Variants in KAT14 observed in about 807,000 individuals in gnomAD.
KAT14 encodes lysine acetyltransferase 14, also known as cysteine-rich protein 2-binding protein.
A neutral mutation model predicts 78.4 loss-of-function variants in KAT14; 66 were observed. That is an observed-to-expected ratio of 0.84 (90% CI 0.69 to 1.03). The LOEUF (loss-of-function observed/expected upper bound fraction) is 1.03, where lower values mean the gene tolerates loss of function less well. Among genes scored for constraint, KAT14 ranks in the 50% least tolerant of loss-of-function variants. The pLI is 0.00. For synonymous variants in KAT14, 344 were observed against 359.4 expected, an observed-to-expected ratio of 0.96 and a Z score of 0.48; for missense variants, 870 against 972.5, an observed-to-expected ratio of 0.89 and a Z score of 1.40.
chr20:18,181,599 G>A, intron 7 of KAT14, 111 bp from the exon 8 acceptor site: 1 of 1,478,900 alleles, frequency 6.8e-7, no homozygotes, highest in Non-Finnish European at 9.2e-7. Flanking sequence ...TCGATCTTGT[G>A]ACCTTGTGAT....
intron 1 of KAT14, among the ~76,000 whole-genome samples, chr20:18,138,675 A>G (rs1035812477): frequency 6.6e-6 from 1 of 152,194 alleles, no homozygotes. Context: ...TCTGGGAACG[A>G]TAGAGATAAC....
intron 2 of KAT14, chr20:18,143,136 G>A: frequency 7.8e-7 from 1 of 1,283,074 alleles, no homozygotes; most frequent in Non-Finnish European, 9.9e-7. Flanking sequence ...TAACACTTTT[G>A]GTGGTAACTC....
rs1231703258 is a variant in KAT14 at position 18,161,940 on chromosome 20, CA to C, written c.804del (p.Asp269ThrfsTer22). 1 of 1,614,244 alleles carries C rather than the reference CA, an allele frequency of 6.2e-7. No homozygotes were observed. The highest frequency in any genetic ancestry group is 2.2e-5 in the East Asian group (1 of 44,888). On this transcript the variant is annotated frameshift_variant, in exon 6 of 11. Coordinates refer to ENST00000688188, the MANE Select transcript of KAT14 (RefSeq NM_001392073.1). LOFTEE classifies it high-confidence loss of function. ...LKEKRSRTQE[A>X]KDIRRAQKEA... The stretch of plus-strand genomic sequence containing the variant: ...GAGAAAAGGTCTCGAACTCAGGAAG[CA>C]AAAGACATTAGAAGAGCCCAGAAGG...
At chr20:18,176,515 C>G (rs2039057387) in intron 7 of KAT14, among the ~76,000 whole-genome samples, 2 of 152,074 alleles carry the variant, frequency 1.3e-5, no homozygotes, top group Admixed American at 6.6e-5. Flanking sequence ...GAGTAGCGGG[C>G]AGGAGCACTG....
chr20:18,148,056 A>G (rs1213658633), intron 3 of KAT14, among the ~76,000 whole-genome samples: 1 of 152,206 alleles, frequency 6.6e-6, no homozygotes, highest in Non-Finnish European at 1.5e-5. Flanking sequence ...GAAAAAGCCC[A>G]TCTCTCACTG....
Position 18,145,440 on chromosome 20 carries a change from T to C in KAT14, c.378+89T>C, listed in dbSNP as rs79308336. 3 of 1,557,348 alleles carry C rather than the reference T, an allele frequency of 1.9e-6. No homozygotes were observed. In the African/African-American group the frequency reaches 4.1e-5, roughly 21 times the overall value. ...TATCTAGAAACTTAGGGATGAGCTT[T>C]TGAGTTGTTTGGAGGGGCACTTTTT... On this transcript the variant is annotated intron_variant, in intron 3 of 10. Coordinates refer to ENST00000688188, the MANE Select transcript of KAT14 (RefSeq NM_001392073.1).
At chr20:18,148,603 A>ATTTTTTTTTTTTTTTTTTT (rs978610988) in intron 3 of KAT14, among the ~76,000 whole-genome samples, 1 of 142,870 alleles carries the variant, frequency 7.0e-6, no homozygotes, top group Non-Finnish European at 1.5e-5. Context: ...ACTGGGGTTC[A>ATTTTTTTTTTTTTTTTTTT]TTTTTTTTTG....
chr20:18,178,673 T>C (rs1488156200), intron 7 of KAT14, among the ~76,000 whole-genome samples: 1 of 152,136 alleles, frequency 6.6e-6, no homozygotes, highest in Non-Finnish European at 1.5e-5. Context: ...ACTGGGTCTC[T>C]CCCACACCAT....
intron 2 of KAT14, 60 bp downstream of exon 2, chr20:18,142,979 A>C (rs755016705): frequency 2.5e-6 from 4 of 1,585,310 alleles, no homozygotes; most frequent in South Asian, 1.1e-5. Flanking sequence ...TGTTTTTCCA[A>C]CCTGTGAAAG....
intron 8 of KAT14, 76 bp from the exon 9 acceptor site, chr20:18,183,047 A>G: frequency 1.3e-6 from 2 of 1,530,618 alleles, no homozygotes; most frequent in Non-Finnish European, 8.8e-7. Flanking sequence ...CAAAGAGTTT[A>G]TATGAGTCAA....
intron 4 of KAT14, among the ~76,000 whole-genome samples, chr20:18,158,383 GAA>G (rs1338759209): frequency 6.6e-6 from 1 of 152,216 alleles, no homozygotes; most frequent in Non-Finnish European, 1.5e-5. Flanking sequence ...GTCTTCTTGT[GAA>G]AGACTGTCTT....
intron 7 of KAT14, among the ~76,000 whole-genome samples, chr20:18,179,145 C>T (rs1300686648): frequency 6.6e-6 from 1 of 152,210 alleles, no homozygotes; most frequent in South Asian, 2.1e-4. Flanking sequence ...TTAGGCAGCT[C>T]CACCCCTGTG....
intron 3 of KAT14, among the ~76,000 whole-genome samples, chr20:18,145,875 G>A (rs1460655818): frequency 6.6e-6 from 1 of 152,050 alleles, no homozygotes; most frequent in Admixed American, 6.5e-5. Flanking sequence ...ACCAAGCTCT[G>A]ATTATAATTG....
chr20:18,148,028 G>T (rs1475384237), intron 3 of KAT14, among the ~76,000 whole-genome samples: 1 of 152,202 alleles, frequency 6.6e-6, no homozygotes, highest in South Asian at 2.1e-4. Context: ...CAACTGACCA[G>T]TATTTCTAGT....
chr20:18,149,693 C>T (rs911892044), intron 3 of KAT14, among the ~76,000 whole-genome samples: 2 of 152,132 alleles, frequency 1.3e-5, no homozygotes, highest in African/African-American at 4.8e-5. Flanking sequence ...AAGGATTAGG[C>T]TGGGCGCAGT....
intron 7 of KAT14, among the ~76,000 whole-genome samples, chr20:18,179,210 T>TC (rs547250952): frequency 5.4e-4 from 82 of 152,290 alleles, no homozygotes; most frequent in Admixed American, 9.8e-4. Context: ...GCATTGAGTG[T>TC]CCAACTTTTC....
At chr20:18,155,347 G>C (rs1452957587) in intron 4 of KAT14, among the ~76,000 whole-genome samples, 1 of 151,828 alleles carries the variant, frequency 6.6e-6, no homozygotes, top group Non-Finnish European at 1.5e-5. Flanking sequence ...TAAAAAGGTG[G>C]GGGTTTTTTT....
intron 10 of KAT14, among the ~76,000 whole-genome samples, chr20:18,186,881 G>A (rs2039467779): frequency 6.6e-6 from 1 of 152,076 alleles, no homozygotes; most frequent in Non-Finnish European, 1.5e-5. Context: ...CAGGTTTTGG[G>A]GAGGTACAAG....
Position 18,159,218 on chromosome 20 carries a change from T to A in KAT14, c.635T>A (p.Met212Lys), listed in dbSNP as rs948508965. ...CTTGTTCATAACAAGCCCCCAACGATGAAACCTGAAGGAGAGAAGTTGTCT... is the reference window on the plus strand; with the variant it reads ...CTTGTTCATAACAAGCCCCCAACGAAGAAACCTGAAGGAGAGAAGTTGTCT... Reference protein sequence around the residue: ...WKLVHNKPPTMKPEGEKLSAS... With the variant: ...WKLVHNKPPTKKPEGEKLSAS... The change falls in exon 5 of 11, where the codon ATG (methionine) becomes AAG (lysine). Residue 212 changes from methionine to lysine, a missense_variant. Coordinates refer to ENST00000688188, the MANE Select transcript of KAT14 (RefSeq NM_001392073.1). The A allele has an allele frequency of 1.9e-6, 3 of 1,613,902 alleles. No homozygotes were observed. Among genetic ancestry groups the A allele is most frequent in the African/African-American group, 2.7e-5 (2 of 74,902 alleles).
Sources: gnomAD v4.1 joint callset for allele counts (sites outside exome capture counted in the v4.1 genomes callset) on GRCh38, gnomAD v4.1.1 for gene constraint, MANE v1.5 for transcripts, NCBI Gene and HGNC (gene_info 2026-07-23, HGNC 2026-07-21) for gene names.